PCDHGA2: variants seen among roughly 807,000 people sequenced by gnomAD.
PCDHGA2 encodes protocadherin gamma subfamily A, 2.
PCDHGA2 carries 40 observed loss-of-function variants against 59.2 expected under a neutral mutation model. The observed-to-expected ratio is 0.68, with a 90% CI of 0.52 to 0.88. The LOEUF (loss-of-function observed/expected upper bound fraction) is 0.88. Ranked by LOEUF, PCDHGA2 falls within the 40% of genes least tolerant of loss-of-function variation. The pLI, the probability that PCDHGA2 is intolerant of heterozygous loss-of-function variation, is 0.00. For synonymous variants in PCDHGA2, 560 were observed against 526.0 expected (o/e 1.06, Z -0.89); for missense variants, 1,226 against 1,204.0 (o/e 1.02, Z -0.27).
intron 1 of PCDHGA2, chr5:141,355,852 G>A (rs769137645): frequency 6.2e-7 from 1 of 1,612,424 alleles, no homozygotes; most frequent in South Asian, 1.1e-5. Context: ...CTTCGATGGA[G>A]GTGACCCGGT....
At chr5:141,464,604 G>A (rs1445968596) in intron 1 of PCDHGA2, among the ~76,000 whole-genome samples, 1 of 152,106 alleles carries the variant, frequency 6.6e-6, no homozygotes, top group East Asian at 1.9e-4. Context: ...AGTCTCCTTT[G>A]CAGAGTATAT....
intron 1 of PCDHGA2, chr5:141,399,237 AGATTCTG>A: frequency 6.2e-7 from 1 of 1,614,002 alleles, no homozygotes; most frequent in South Asian, 1.1e-5. Context: ...TACATGACCA[AGATTCTG>A]GGGAAAATGG....
At chr5:141,510,818 A>C in intron 3 of PCDHGA2, 129 bp from the exon 4 acceptor site, 1 of 1,551,540 alleles carries the variant, frequency 6.4e-7, no homozygotes, top group Non-Finnish European at 8.7e-7. Context: ...TGACCCCTAT[A>C]TTCCCAGTGC....
rs200601557 is a variant in PCDHGA2, at chr5:141,432,538, G to A, written c.2425-62269G>A. 5.0e-6 allele frequency: 8 copies of A among 1,613,908 alleles called. No homozygotes were observed. The highest frequency in any genetic ancestry group is 1.7e-5 in the Admixed American group (1 of 60,012). On this transcript the variant is annotated intron_variant, in intron 1 of 3. Coordinates refer to ENST00000394576, the MANE Select transcript of PCDHGA2 (RefSeq NM_018915.4). The surrounding 1 kb of genome is among the most constrained non-coding windows in gnomAD (Gnocchi z 6.0). ...GCTACCTGGTGACCAAGGTGGTGGCGGTGGACAGAGACTCCGGCCAGAACG... is the reference window on the plus strand; with the variant it reads ...GCTACCTGGTGACCAAGGTGGTGGCAGTGGACAGAGACTCCGGCCAGAACG...
At chr5:141,468,560 T>G (rs571224791) in intron 1 of PCDHGA2, 1 of 152,004 alleles carries the variant, frequency 6.6e-6, no homozygotes, top group Non-Finnish European at 1.5e-5. Flanking sequence ...ATTTGTGATA[T>G]AGTAAACAAT....
At chr5:141,376,259 C>T (rs2150078832) in intron 1 of PCDHGA2, 1 of 1,614,236 alleles carries the variant, frequency 6.2e-7, no homozygotes, top group African/African-American at 1.3e-5. Context: ...ACGCCTGCTG[C>T]AGGCTTCGGG....
At position 141,349,050 on chromosome 5, in the gene PCDHGA2, C is replaced by A. The variant is rs1040330832; in HGVS notation, c.2424+7655C>A. Among the ~76,000 whole-genome samples the A allele has an allele frequency of 7.9e-5, 12 of 152,130 alleles. No homozygotes were observed. The East Asian group carries it at 2.3e-3, about 29-fold the overall frequency. ...CGTTTTGCTCATTAATGGTATAAGTCGGCTGGAGCTGAGAATTGGCATTAT... is the reference window on the plus strand; with the variant it reads ...CGTTTTGCTCATTAATGGTATAAGTAGGCTGGAGCTGAGAATTGGCATTAT... On this transcript the variant is annotated intron_variant, in intron 1 of 3. Transcript: ENST00000394576.
chr5:141,492,948 CA>C (rs2099745260), intron 1 of PCDHGA2, among the ~76,000 whole-genome samples: 1 of 152,188 alleles, frequency 6.6e-6, no homozygotes, highest in Non-Finnish European at 1.5e-5. Flanking sequence ...TGGAGGTGAC[CA>C]AACTATCTGA....
chr5:141,441,840 C>T (rs2098278154), intron 1 of PCDHGA2: 1 of 355,864 alleles, frequency 2.8e-6, no homozygotes, highest in Non-Finnish European at 5.5e-6. Flanking sequence ...GCTTCGCGCT[C>T]TTGGATATGG....
At chr5:141,373,905 A>G (rs947607007) in intron 1 of PCDHGA2, 1 of 603,766 alleles carries the variant, frequency 1.7e-6, no homozygotes, top group Non-Finnish European at 2.7e-6. Context: ...TACATCCTCC[A>G]ACAACAAAGC....
chr5:141,507,495 G>T (rs375483743), intron 3 of PCDHGA2, among the ~76,000 whole-genome samples: 2 of 152,234 alleles, frequency 1.3e-5, no homozygotes, highest in Non-Finnish European at 2.9e-5. Context: ...AGGCAGAGCT[G>T]TCCCAGGTCT....
intron 1 of PCDHGA2, chr5:141,375,875 T>C: frequency 6.2e-7 from 1 of 1,613,778 alleles, no homozygotes; most frequent in Non-Finnish European, 8.5e-7. Flanking sequence ...GGACAGAGAC[T>C]CGGGCCAGAA....
Position 141,393,140 on chromosome 5 carries a change from G to A in PCDHGA2, c.2424+51745G>A, listed in dbSNP as rs756948310. The A allele has an allele frequency of 1.9e-6, 3 of 1,613,260 alleles. No individual in the cohort carries two copies. In the South Asian group the frequency reaches 3.3e-5, roughly 18 times the overall value. ...GGTGTCTGATAAATATTAACACCCT[G>A]GTTGAGGATAAAGGAAAACTCTTTG... On this transcript the variant is annotated intron_variant, in intron 1 of 3. Coordinates refer to ENST00000394576, the MANE Select transcript of PCDHGA2 (RefSeq NM_018915.4).
intron 1 of PCDHGA2, chr5:141,357,650 A>G: frequency 6.2e-7 from 1 of 1,608,974 alleles, no homozygotes; most frequent in Non-Finnish European, 8.5e-7. Flanking sequence ...AGATCATACC[A>G]CACTGAAATA....
At chr5:141,372,049 T>TG in intron 1 of PCDHGA2, 1 of 1,613,484 alleles carries the variant, frequency 6.2e-7, no homozygotes, top group Non-Finnish European at 8.5e-7. Context: ...CGCGTGTTGG[T>TG]GGACGACCGC....
Position 141,485,792 on chromosome 5 carries a change from G to T in PCDHGA2, c.2425-9015G>T, listed in dbSNP as rs114766079. 6.2e-6 allele frequency: 10 copies of T among 1,614,118 alleles called. No individual in the cohort carries two copies. In the Admixed American group the frequency reaches 1.3e-4, roughly 22 times the overall value. ...GCCTTTGGATCGAGAGAAGCAATCG[G>T]ACTACCGCCTGGTGCTGACTGCTGT... On this transcript the variant is annotated intron_variant, in intron 1 of 3. Transcript: ENST00000394576. This position sits in a 1 kb window ranked among gnomAD's most constrained non-coding sequence, Gnocchi z 5.7.
intron 1 of PCDHGA2, among the ~76,000 whole-genome samples, chr5:141,406,791 C>T (rs893207613): frequency 2.0e-5 from 3 of 152,182 alleles, no homozygotes; most frequent in Non-Finnish European, 4.4e-5. Context: ...TATATTATTT[C>T]TGGCTCAATT....
At chr5:141,455,690 C>T (rs1209152869) in intron 1 of PCDHGA2, among the ~76,000 whole-genome samples, 1 of 152,064 alleles carries the variant, frequency 6.6e-6, no homozygotes, top group Non-Finnish European at 1.5e-5. Context: ...CTGTGGGAAT[C>T]GCCAAGTTGA....
chr5:141,412,357 T>A (rs756056496), intron 1 of PCDHGA2: 17 of 152,366 alleles, frequency 1.1e-4, no homozygotes, highest in Middle Eastern at 3.4e-3. Context: ...TAGTTTGTGA[T>A]TACCTGCTTA....
Sources: allele counts gnomAD v4.1 joint callset (sites outside exome capture counted in the v4.1 genomes callset), GRCh38; gene constraint gnomAD v4.1.1; non-coding constraint Gnocchi (gnomAD v3.1); transcripts MANE v1.5; gene names NCBI Gene and HGNC (gene_info 2026-07-23, HGNC 2026-07-21).